PRKD1: variants seen among roughly 807,000 people sequenced by gnomAD.
The protein encoded by PRKD1 is protein kinase D1.
A neutral mutation model predicts 95.9 loss-of-function variants in PRKD1; 63 were observed. The observed-to-expected ratio is 0.66, with a 90% CI of 0.54 to 0.81. PRKD1 has a LOEUF of 0.81. Ranked by LOEUF, PRKD1 falls within the 30% of genes least tolerant of loss-of-function variation. The probability of loss-of-function intolerance (pLI) is 0.00; values close to 1 mark genes in which losing one functional copy is unlikely to be tolerated. For synonymous variants in PRKD1, 425 were observed against 423.1 expected (o/e 1.00, Z -0.05); for missense variants, 1,048 against 1,165.3 (o/e 0.90, Z 1.47).
chr14:29,732,159 C>T (rs1458936488), intron 1 of PRKD1, among the ~76,000 whole-genome samples: 1 of 152,178 alleles, frequency 6.6e-6, no homozygotes, highest in African/African-American at 2.4e-5. Context: ...AGGCGTGAGT[C>T]ACTGCGCTGG....
chr14:29,719,147 A>G (rs1026163681), intron 2 of PRKD1, among the ~76,000 whole-genome samples: 1 of 152,152 alleles, frequency 6.6e-6, no homozygotes, highest in Non-Finnish European at 1.5e-5. Flanking sequence ...GGAGTAAAAC[A>G]TGCTTATAAG....
At chr14:29,789,061 A>T (rs986264159) in intron 1 of PRKD1, among the ~76,000 whole-genome samples, 10 of 151,830 alleles carry the variant, frequency 6.6e-5, no homozygotes, top group African/African-American at 2.4e-4. Flanking sequence ...TAATTTTTAA[A>T]TTTTTTGTAG....
chr14:29,853,341 T>C (rs1428060275), intron 1 of PRKD1, among the ~76,000 whole-genome samples: 1 of 152,236 alleles, frequency 6.6e-6, no homozygotes, highest in Non-Finnish European at 1.5e-5. Context: ...TTACAGAATG[T>C]AATGACAGCT....
At chr14:29,706,912 A>G (rs1042312438) in intron 2 of PRKD1, among the ~76,000 whole-genome samples, 2 of 152,178 alleles carry the variant, frequency 1.3e-5, no homozygotes, top group East Asian at 3.9e-4. Context: ...TGAAAGATGA[A>G]TTGAAATTAG....
At chr14:29,732,939 G>C (rs1248159128) in intron 1 of PRKD1, among the ~76,000 whole-genome samples, 1 of 143,892 alleles carries the variant, frequency 6.9e-6, no homozygotes, top group South Asian at 2.2e-4. Flanking sequence ...AGTTTATCTT[G>C]GTTGAGGTTC....
At chr14:29,800,395 A>T (rs1459597116) in intron 1 of PRKD1, among the ~76,000 whole-genome samples, 1 of 152,194 alleles carries the variant, frequency 6.6e-6, no homozygotes, top group Non-Finnish European at 1.5e-5. Flanking sequence ...CTTCTACTTC[A>T]TTAAAACCTG....
intron 1 of PRKD1, among the ~76,000 whole-genome samples, chr14:29,863,085 G>A (rs12434193): frequency 0.021 from 3,227 of 152,240 alleles, 154 homozygotes; most frequent in East Asian, 0.14. Flanking sequence ...CTGAATGGCT[G>A]TAGCATAGTT....
At chr14:29,733,459 C>T (rs535488337) in intron 1 of PRKD1, among the ~76,000 whole-genome samples, 3 of 152,166 alleles carry the variant, frequency 2.0e-5, no homozygotes, top group Admixed American at 6.5e-5. Context: ...TGCTATTAGT[C>T]GGTTCTCATG....
intron 2 of PRKD1, among the ~76,000 whole-genome samples, chr14:29,685,929 TTGA>T (rs1463103952): frequency 6.6e-6 from 1 of 152,228 alleles, no homozygotes; most frequent in Non-Finnish European, 1.5e-5. Context: ...GATTCTCATT[TTGA>T]TGATGATAGC....
chr14:29,765,054 G>T lies in PRKD1; in HGVS notation c.265-39380C>A, dbSNP rs560741701. Reference sequence around the variant, plus strand: ...CCAAAGAAACTCAAGCCTTGAACTTGGTTGCTGTTAGACTCAAAGTGTCTC... The same window carrying T: ...CCAAAGAAACTCAAGCCTTGAACTTTGTTGCTGTTAGACTCAAAGTGTCTC... On this transcript the variant is annotated intron_variant, in intron 1 of 17. Transcript: ENST00000331968. 1.4e-4 allele frequency among the ~76,000 whole-genome samples: 21 copies of T among 152,250 alleles called. No individual in the cohort carries two copies. The South Asian group carries it at 3.5e-3, about 26-fold the overall frequency.
intron 2 of PRKD1, among the ~76,000 whole-genome samples, chr14:29,689,905 G>T (rs1380720493): frequency 6.6e-6 from 1 of 152,138 alleles, no homozygotes; most frequent in African/African-American, 2.4e-5. Context: ...ACTTATATGT[G>T]GGAGCTGAAC....
At chr14:29,654,501 G>C (rs1325344216) in intron 4 of PRKD1, among the ~76,000 whole-genome samples, 1 of 152,020 alleles carries the variant, frequency 6.6e-6, no homozygotes, top group African/African-American at 2.4e-5. Flanking sequence ...GAATTTACTA[G>C]TGCTTTTACA....
chr14:29,583,667 C>T (rs1022173045), intron 16 of PRKD1, among the ~76,000 whole-genome samples: 4 of 151,204 alleles, frequency 2.6e-5, no homozygotes, highest in East Asian at 4.0e-4. Context: ...TAGCCACAAC[C>T]GGGCATGTGG....
At chr14:29,813,583 G>A (rs914830810) in intron 1 of PRKD1, among the ~76,000 whole-genome samples, 1 of 152,148 alleles carries the variant, frequency 6.6e-6, no homozygotes, top group African/African-American at 2.4e-5. Flanking sequence ...CAGGGCCACA[G>A]AGACAGACAC....
At chr14:29,705,378 T>C (rs1207795142) in intron 2 of PRKD1, among the ~76,000 whole-genome samples, 1 of 151,922 alleles carries the variant, frequency 6.6e-6, no homozygotes, top group South Asian at 2.1e-4. Context: ...AGGCAAAAAC[T>C]GCAATTACTT....
chr14:29,725,424 T>C (rs1259968163), intron 2 of PRKD1, 112 bp downstream of exon 2: 3 of 1,306,816 alleles, frequency 2.3e-6, no homozygotes, highest in Non-Finnish European at 2.1e-6. Context: ...CATCTTCTCT[T>C]GGAGCTGAGT....
intron 16 of PRKD1, among the ~76,000 whole-genome samples, chr14:29,597,032 A>T (rs1306754926): frequency 6.6e-6 from 1 of 152,170 alleles, no homozygotes; most frequent in Non-Finnish European, 1.5e-5. Flanking sequence ...TGGCCAAGTA[A>T]AATATTATAC....
chr14:29,874,759 T>C (rs747603471), intron 1 of PRKD1, among the ~76,000 whole-genome samples: 1 of 152,158 alleles, frequency 6.6e-6, no homozygotes, highest in Non-Finnish European at 1.5e-5. Context: ...ATTACGTATG[T>C]TCTCACTCAT....
intron 2 of PRKD1, among the ~76,000 whole-genome samples, chr14:29,680,223 TA>T (rs1415066154): frequency 2.0e-5 from 3 of 152,050 alleles, no homozygotes; most frequent in Non-Finnish European, 4.4e-5. Flanking sequence ...CATGTGCAAT[TA>T]AAAAAATAAT....
Sources: allele counts gnomAD v4.1 joint callset (sites outside exome capture counted in the v4.1 genomes callset), GRCh38; gene constraint gnomAD v4.1.1; transcripts MANE v1.5; gene names NCBI Gene and HGNC (gene_info 2026-07-23, HGNC 2026-07-21).